Variants in PRKG1 observed in about 807,000 individuals in gnomAD.
PRKG1 encodes the protein cGMP-dependent protein kinase 1.
Under a neutral mutation model 88.1 loss-of-function variants are expected in PRKG1, and 35 were observed. The observed-to-expected ratio is 0.40, with a 90% CI of 0.30 to 0.53. PRKG1 has a LOEUF of 0.53. Among genes scored for constraint, PRKG1 ranks in the 20% least tolerant of loss-of-function variants. The probability of loss-of-function intolerance (pLI) is 0.59; values close to 1 mark genes in which losing one functional copy is unlikely to be tolerated. For missense variants in PRKG1, 540 were observed against 839.8 expected (o/e 0.64, Z 4.41); for synonymous variants, 303 against 292.5 (o/e 1.04, Z -0.37).
At chr10:51,629,867 A>G (rs543492091) in intron 3 of PRKG1, among the ~76,000 whole-genome samples, 1 of 152,170 alleles carries the variant, frequency 6.6e-6, no homozygotes. Context: ...GCTGGGAGAA[A>G]GAAGGCCCTG....
chr10:51,663,824 A>AT (rs1430494742), intron 3 of PRKG1, among the ~76,000 whole-genome samples: 2 of 151,796 alleles, frequency 1.3e-5, no homozygotes, highest in African/African-American at 4.8e-5. Context: ...ATTAGGAATC[A>AT]TTTTTTCTAC....
chr10:52,183,556 A>G (rs865985174), intron 9 of PRKG1, among the ~76,000 whole-genome samples: 7 of 152,196 alleles, frequency 4.6e-5, no homozygotes, highest in South Asian at 2.1e-4. Context: ...CCAGAGTCAT[A>G]GCTAATCCTG....
chr10:51,468,080 A>C (rs1038992906), intron 3 of PRKG1, among the ~76,000 whole-genome samples: 4 of 151,880 alleles, frequency 2.6e-5, no homozygotes, highest in Non-Finnish European at 5.9e-5. Flanking sequence ...ACTTCTCATA[A>C]TTAGGATTTT....
At chr10:51,756,945 G>A (rs964577640) in intron 3 of PRKG1, among the ~76,000 whole-genome samples, 39 of 152,228 alleles carry the variant, frequency 2.6e-4, no homozygotes, top group Non-Finnish European at 4.3e-4. Context: ...TGAAGCTTGT[G>A]TTGGTCCTTG....
intron 2 of PRKG1, among the ~76,000 whole-genome samples, chr10:51,399,083 C>G (rs1010422375): frequency 1.3e-5 from 2 of 151,814 alleles, no homozygotes; most frequent in Non-Finnish European, 2.9e-5. Context: ...GTATATAAAT[C>G]TCTTTATATA....
chr10:51,245,041 A>G (rs1839253728), intron 2 of PRKG1: 1 of 152,116 alleles, frequency 6.6e-6, no homozygotes, highest in Admixed American at 6.6e-5. Flanking sequence ...CCTGATTCAC[A>G]GACCTTCGCT....
At chr10:51,006,137 T>C (rs1220648700) in intron 1 of PRKG1, among the ~76,000 whole-genome samples, 2 of 152,296 alleles carry the variant, frequency 1.3e-5, no homozygotes, top group Admixed American at 6.5e-5. Context: ...GAGACTGGTT[T>C]TACTGTATTT....
At chr10:52,074,529 T>A (rs952241836) in intron 7 of PRKG1, among the ~76,000 whole-genome samples, 9 of 152,176 alleles carry the variant, frequency 5.9e-5, no homozygotes, top group Non-Finnish European at 2.9e-5. Flanking sequence ...GAAAAAATAA[T>A]GTAAATTTGA....
At chr10:51,957,262 C>T (rs1211280319) in intron 5 of PRKG1, among the ~76,000 whole-genome samples, 2 of 92,912 alleles carry the variant, frequency 2.2e-5, no homozygotes, top group Non-Finnish European at 4.1e-5. Flanking sequence ...TCATACATAG[C>T]TTTTCCTTTC....
chr10:51,867,709 G>A (rs1841050748), intron 4 of PRKG1, among the ~76,000 whole-genome samples: 1 of 152,172 alleles, frequency 6.6e-6, no homozygotes, highest in Non-Finnish European at 1.5e-5. Flanking sequence ...ACAGAGACAA[G>A]AGGGGGAATT....
At chr10:52,221,963 G>C (rs1172580578) in intron 9 of PRKG1, among the ~76,000 whole-genome samples, 1 of 152,184 alleles carries the variant, frequency 6.6e-6, no homozygotes. Context: ...GATGAAAAAG[G>C]TTTGCATAGA....
chr10:51,527,157 G>A (rs1841902882), intron 3 of PRKG1, among the ~76,000 whole-genome samples: 1 of 151,982 alleles, frequency 6.6e-6, no homozygotes, highest in South Asian at 2.1e-4. Flanking sequence ...TTTATCCTAT[G>A]GCAAAGGTGA....
chr10:51,041,590 C>G (rs1357618142), intron 1 of PRKG1, among the ~76,000 whole-genome samples: 1 of 151,918 alleles, frequency 6.6e-6, no homozygotes, highest in African/African-American at 2.4e-5. Flanking sequence ...AGGTTCCCTT[C>G]TGGCCCAGGT....
intron 1 of PRKG1, among the ~76,000 whole-genome samples, chr10:51,050,575 G>T (rs1589123690): frequency 6.6e-6 from 1 of 152,050 alleles, no homozygotes; most frequent in East Asian, 1.9e-4. Context: ...TGGATATTAG[G>T]TTGCTTCCAT....
At chr10:51,125,606 C>T (rs947931404) in intron 1 of PRKG1, among the ~76,000 whole-genome samples, 1 of 148,746 alleles carries the variant, frequency 6.7e-6, no homozygotes, top group African/African-American at 2.4e-5. Flanking sequence ...TGCTTGAACC[C>T]AGGAGGCAGA....
At chr10:51,897,613 G>T (rs1453884100) in intron 4 of PRKG1, among the ~76,000 whole-genome samples, 3 of 152,068 alleles carry the variant, frequency 2.0e-5, no homozygotes, top group Non-Finnish European at 4.4e-5. Context: ...AAATTAAATT[G>T]TTTTTATTGG....
At chr10:51,611,272 C>T (rs1838899619) in intron 3 of PRKG1, among the ~76,000 whole-genome samples, 1 of 152,096 alleles carries the variant, frequency 6.6e-6, no homozygotes, top group Non-Finnish European at 1.5e-5. Flanking sequence ...CACTCCACAT[C>T]CTCACCAACG....
intron 3 of PRKG1, among the ~76,000 whole-genome samples, chr10:51,532,861 T>C (rs181992621): frequency 1.9e-3 from 282 of 152,286 alleles, no homozygotes; most frequent in African/African-American, 6.6e-3. Context: ...CTTTCCCCTC[T>C]CCCCTTCTCC....
intron 2 of PRKG1, among the ~76,000 whole-genome samples, chr10:51,223,725 A>G (rs761262434): frequency 3.9e-5 from 6 of 152,142 alleles, no homozygotes; most frequent in Non-Finnish European, 7.3e-5. Context: ...ATTCTTCGAG[A>G]AAGACATCAC....
Sources: gnomAD v4.1 joint callset for allele counts (sites outside exome capture counted in the v4.1 genomes callset) on GRCh38, gnomAD v4.1.1 for gene constraint, MANE v1.5 for transcripts, NCBI Gene and HGNC (gene_info 2026-07-23, HGNC 2026-07-21) for gene names.